UMAD1: variants seen among roughly 807,000 people sequenced by gnomAD.
UMAD1 encodes UBAP1-MVB12-associated (UMA) domain containing 1, also known as UBAP1-MVB12-associated (UMA)-domain containing protein 1.
In UMAD1, 8 loss-of-function variants were observed where a neutral mutation model predicts 6.1. The observed-to-expected ratio is 1.30, with a 90% CI of 0.76 to 2.35. UMAD1 has a LOEUF of 2.35. UMAD1 is among the 30% of genes most tolerant of loss of function. The pLI is 0.00. For missense variants in UMAD1, 130 were observed against 78.4 expected, an observed-to-expected ratio of 1.66 and a Z score of -2.49; for synonymous variants, 56 against 31.4, an observed-to-expected ratio of 1.78 and a Z score of -2.61.
At chr7:7,675,974 C>T (rs779454463) in intron 2 of UMAD1, 81 of 393,104 alleles carry the variant, frequency 2.1e-4, no homozygotes, top group Non-Finnish European at 3.2e-4. Flanking sequence ...ATCCTCTGTA[C>T]ATAGTCTTCT....
At chr7:7,670,422 C>T (rs954784481) in intron 1 of UMAD1, among the ~76,000 whole-genome samples, 1 of 152,138 alleles carries the variant, frequency 6.6e-6, no homozygotes, top group African/African-American at 2.4e-5. Flanking sequence ...GTCACATGGC[C>T]ACATCTAACT....
At chr7:7,843,038 A>T (rs542689794) in intron 3 of UMAD1, among the ~76,000 whole-genome samples, 1 of 152,238 alleles carries the variant, frequency 6.6e-6, no homozygotes, top group East Asian at 1.9e-4. Context: ...TGGTTCATCC[A>T]GTACTCTTAG....
chr7:7,750,440 C>T (rs1054486038), intron 2 of UMAD1, among the ~76,000 whole-genome samples: 2 of 152,102 alleles, frequency 1.3e-5, no homozygotes, highest in African/African-American at 4.8e-5. Flanking sequence ...TTGTCTTTGG[C>T]AGTTTGAAAT....
At chr7:7,810,514 TAAA>T (rs1783001380) in intron 3 of UMAD1, among the ~76,000 whole-genome samples, 1 of 152,116 alleles carries the variant, frequency 6.6e-6, no homozygotes, top group Non-Finnish European at 1.5e-5. Flanking sequence ...TAATTTTAGT[TAAA>T]AATGCAATAT....
chr7:7,661,419 C>T lies in UMAD1; in HGVS notation c.-63-11890C>T, dbSNP rs553257238. On this transcript the variant is annotated intron_variant, in intron 1 of 3. Transcript: ENST00000682710. ...GTTTTTGGAATTTTCCGCCTTTTTG[C>T]GCTGGTTTGTCCCTATCTTTGTGGA... Among the ~76,000 whole-genome samples the T allele has an allele frequency of 8.5e-5, 13 of 152,216 alleles. 1 individual carries two copies. Among genetic ancestry groups the T allele is most frequent in the African/African-American group, 2.4e-4 (10 of 41,534 alleles).
At chr7:7,700,793 C>G (rs1006975752) in intron 2 of UMAD1, among the ~76,000 whole-genome samples, 5 of 152,086 alleles carry the variant, frequency 3.3e-5, no homozygotes, top group African/African-American at 9.7e-5. Flanking sequence ...GAGGCTGAGG[C>G]AGTAGAATCA....
At chr7:7,853,626 A>G (rs1783960552) in intron 3 of UMAD1, among the ~76,000 whole-genome samples, 1 of 152,218 alleles carries the variant, frequency 6.6e-6, no homozygotes, top group African/African-American at 2.4e-5. Flanking sequence ...CCAAGTATAT[A>G]GAAATACAAC....
chr7:7,647,917 T>G (rs1215367886), intron 1 of UMAD1, among the ~76,000 whole-genome samples: 1 of 152,154 alleles, frequency 6.6e-6, no homozygotes, highest in African/African-American at 2.4e-5. Context: ...GCTTTAAAGT[T>G]TTTGTTGTTG....
At chr7:7,740,013 C>T (rs1161086287) in intron 2 of UMAD1, among the ~76,000 whole-genome samples, 2 of 152,234 alleles carry the variant, frequency 1.3e-5, no homozygotes, top group East Asian at 3.8e-4. Flanking sequence ...CATCTAATTA[C>T]TATACAGTGA....
intron 1 of UMAD1, among the ~76,000 whole-genome samples, chr7:7,650,734 A>G (rs1477100374): frequency 6.6e-6 from 1 of 152,232 alleles, no homozygotes; most frequent in Non-Finnish European, 1.5e-5. Flanking sequence ...CTGCATCCTG[A>G]ACCCAGAATG....
chr7:7,778,254 G>A (rs1563198313), intron 2 of UMAD1, among the ~76,000 whole-genome samples: 1 of 139,582 alleles, frequency 7.2e-6, no homozygotes, highest in East Asian at 2.0e-4. Flanking sequence ...GTGTGTGTGT[G>A]TGTGTGTGTG....
At chr7:7,704,949 AAAG>A (rs1279627698) in intron 2 of UMAD1, among the ~76,000 whole-genome samples, 5 of 152,162 alleles carry the variant, frequency 3.3e-5, no homozygotes, top group Non-Finnish European at 7.3e-5. Context: ...ATCTGAATGA[AAAG>A]AAGATTCTGG....
At chr7:7,744,674 T>A (rs1269333251) in intron 2 of UMAD1, among the ~76,000 whole-genome samples, 1 of 152,054 alleles carries the variant, frequency 6.6e-6, no homozygotes, top group South Asian at 2.1e-4. Flanking sequence ...ATTGACCTGA[T>A]GGCTAATGAT....
At chr7:7,856,789 C>T (rs1784027153) in intron 3 of UMAD1, among the ~76,000 whole-genome samples, 1 of 152,130 alleles carries the variant, frequency 6.6e-6, no homozygotes, top group Admixed American at 6.6e-5. Context: ...TACAGAAAAG[C>T]ATATACTTTA....
intron 3 of UMAD1, among the ~76,000 whole-genome samples, chr7:7,844,164 G>A (rs190664152): frequency 3.9e-5 from 6 of 152,256 alleles, no homozygotes; most frequent in African/African-American, 9.6e-5. Flanking sequence ...CTTAACAAGA[G>A]GCTGGCACAG....
intron 3 of UMAD1, among the ~76,000 whole-genome samples, chr7:7,845,779 A>C (rs1013721294): frequency 1.3e-5 from 2 of 152,126 alleles, no homozygotes; most frequent in Non-Finnish European, 1.5e-5. Flanking sequence ...ACCGTAGTAG[A>C]GTTTTCAAAT....
At position 7,682,904 on chromosome 7, in the gene UMAD1, A is replaced by G. The variant is rs1014833553; in HGVS notation, c.82+9451A>G. ...TAAGAAATGTGGAGTTGTGTGTCTA[A>G]TGGATAGAATTAACAGTATTTTCAG... On this transcript the variant is annotated intron_variant, in intron 2 of 3. Transcript: ENST00000682710. 1.2e-4 allele frequency among the ~76,000 whole-genome samples: 19 copies of G among 152,316 alleles called. No individual in the cohort carries two copies. In the South Asian group the frequency reaches 1.7e-3, roughly 13 times the overall value.
rs1209040738 is a variant in UMAD1 at position 7,725,252 on chromosome 7, A to G, written c.82+51799A>G. Among the ~76,000 whole-genome samples, 4 of 152,358 alleles carry G rather than the reference A, an allele frequency of 2.6e-5. No homozygotes were observed. In the East Asian group the frequency reaches 7.7e-4, roughly 29 times the overall value. On this transcript the variant is annotated intron_variant, in intron 2 of 3. Transcript: ENST00000682710. ...ATTCCTCATTTGGGTGTTTTACACCAGCCCATTTATCGAGTGATCCGAAAG... is the reference window on the plus strand; with the variant it reads ...ATTCCTCATTTGGGTGTTTTACACCGGCCCATTTATCGAGTGATCCGAAAG...
At chr7:7,847,100 AAAAAATATATATATAT>A (rs1445844547) in intron 3 of UMAD1, among the ~76,000 whole-genome samples, 12 of 38,442 alleles carry the variant, frequency 3.1e-4, no homozygotes, top group African/African-American at 1.8e-3. Flanking sequence ...AAAAAAAAAA[AAAAAATATATATATAT>A]ATATATATAT....
Sources: gnomAD v4.1 joint callset for allele counts (sites outside exome capture counted in the v4.1 genomes callset) on GRCh38, gnomAD v4.1.1 for gene constraint, MANE v1.5 for transcripts, NCBI Gene and HGNC (gene_info 2026-07-23, HGNC 2026-07-21) for gene names.